Variants in MICAL3 observed in about 807,000 individuals in gnomAD.
MICAL3 encodes the protein microtubule associated monooxygenase, calponin and LIM domain containing 3.
MICAL3 carries 62 observed loss-of-function variants against 207.4 expected under a neutral mutation model. The observed-to-expected ratio is 0.30, with a 90% CI of 0.24 to 0.37. The LOEUF (loss-of-function observed/expected upper bound fraction) is 0.37. MICAL3 is among the 10% of genes least tolerant of loss of function. MICAL3 has a pLI of 1.00. For synonymous variants in MICAL3, 1,077 were observed against 1,069.3 expected, an observed-to-expected ratio of 1.01 and a Z score of -0.14; for missense variants, 2,368 against 2,635.6, an observed-to-expected ratio of 0.90 and a Z score of 2.22.
At chr22:17,809,037 C>A in intron 28 of MICAL3, 100 bp from the exon 29 acceptor site, 1 of 1,026,426 alleles carries the variant, frequency 9.7e-7, no homozygotes, top group Non-Finnish European at 1.4e-6. Flanking sequence ...GGAGTTGCCG[C>A]TCTGGAAAGG....
rs1930884359 is a variant in MICAL3 at position 17,896,790 on chromosome 22, G to A, written c.1140C>T (p.Ala380=). The A allele has an allele frequency of 3.1e-6, 5 of 1,613,890 alleles. No individual in the cohort carries two copies. The highest frequency in any genetic ancestry group is 1.3e-5 in the African/African-American group (1 of 74,946). The change falls in exon 8 of 32, where the codon GCC becomes GCT. Residue 380 remains alanine, a synonymous_variant. Coordinates refer to ENST00000441493, the MANE Select transcript of MICAL3 (RefSeq NM_015241.3). ...GTCCGTTCTGCTCCCGCACCAAGGC[G>A]GCGTTCTCGGAGGCATACATACAAG... ...DFTCMYASEN[A]ALVREQNGHQ... is the part of the protein sequence containing the mutation.
chr22:18,002,376 A>C (rs1395114316), intron 1 of MICAL3, among the ~76,000 whole-genome samples: 1 of 152,182 alleles, frequency 6.6e-6, no homozygotes, highest in Non-Finnish European at 1.5e-5. Context: ...CACGCCTGTA[A>C]TCCCAGCACT....
At position 17,796,689 on chromosome 22, in the gene MICAL3, T is replaced by C. The variant is rs1028459432; in HGVS notation, c.5651-5388A>G. ...TGTCACACCTGGAAGGGAGGCCCGATGTCCCTTCCTGCCTCGTCTTCTGAA... is the reference window on the plus strand; with the variant it reads ...TGTCACACCTGGAAGGGAGGCCCGACGTCCCTTCCTGCCTCGTCTTCTGAA... On this transcript the variant is annotated intron_variant, in intron 29 of 31. Transcript: ENST00000441493. The surrounding 1 kb of genome is among the most constrained non-coding windows in gnomAD (Gnocchi z 4.4). Among the ~76,000 whole-genome samples the C allele has an allele frequency of 2.0e-5, 3 of 152,224 alleles. No individual in the cohort carries two copies. The highest frequency in any genetic ancestry group is 2.0e-4 in the Admixed American group (3 of 15,286).
At chr22:17,929,005 G>C (rs939670777) in intron 1 of MICAL3, among the ~76,000 whole-genome samples, 3 of 151,842 alleles carry the variant, frequency 2.0e-5, no homozygotes, top group Admixed American at 1.3e-4. Flanking sequence ...GTGTTAGCCA[G>C]GATGGTCTCG....
At chr22:17,827,917 A>G in intron 21 of MICAL3, 136 bp from the exon 22 acceptor site, 1 of 748,140 alleles carries the variant, frequency 1.3e-6, no homozygotes, top group Non-Finnish European at 2.1e-6. Context: ...AAAATTAAGA[A>G]CATGTATGCA....
intron 1 of MICAL3, among the ~76,000 whole-genome samples, chr22:17,969,794 G>A (rs993975199): frequency 9.2e-5 from 14 of 152,322 alleles, no homozygotes; most frequent in African/African-American, 3.1e-4. Context: ...CCTCTTTGCC[G>A]ACACCCTGGG....
chr22:17,818,311 G>A lies in MICAL3; in HGVS notation c.4350C>T (p.Ser1450=), dbSNP rs764029602. 2.7e-5 allele frequency: 42 copies of A among 1,558,092 alleles called. No homozygotes were observed. The highest frequency in any genetic ancestry group is 3.7e-5 in the Admixed American group (2 of 54,086). Residue 1450 remains serine (S), a synonymous_variant, in exon 26 of 32, where the codon TCC becomes TCT. Transcript: ENST00000441493. The part of the protein sequence containing the change: ...LGSQSFNTSD[S]AMLTPPSSPP... ...GGCTGGAGGGGGGCGTGAGCATGGC[G>A]GAGTCCGAGGTGTTGAAGCTCTGGC... is the stretch of plus-strand genomic sequence containing the variant.
At chr22:17,890,667 AACT>A (rs1930322921) in intron 12 of MICAL3, among the ~76,000 whole-genome samples, 1 of 152,212 alleles carries the variant, frequency 6.6e-6, no homozygotes, top group African/African-American at 2.4e-5. Flanking sequence ...TATAAATAGC[AACT>A]ATATCTTGTA....
intron 19 of MICAL3, chr22:17,861,897 G>GA: frequency 1.0e-6 from 1 of 985,442 alleles, no homozygotes; most frequent in Non-Finnish European, 1.2e-6. Context: ...GTGGTTCTTT[G>GA]AACTGCAGGT....
In MICAL3 at chr22:17,864,833, C is replaced by T. The variant is rs1042532905; in HGVS notation, c.2605+66G>A. 5 of 1,613,742 alleles carry T rather than the reference C, an allele frequency of 3.1e-6. No homozygotes were observed. In the African/African-American group the frequency reaches 5.3e-5, roughly 17 times the overall value. ...TTGCTTTGGAGGTGCTGGCTCATGC[C>T]CTTGGCCTTGTCACAGAGGCCGAGG... On this transcript the variant is annotated intron_variant, in intron 19 of 31. Transcript: ENST00000441493.
At chr22:17,894,932 T>C (rs1325377301) in intron 10 of MICAL3, among the ~76,000 whole-genome samples, 2 of 152,100 alleles carry the variant, frequency 1.3e-5, no homozygotes, top group African/African-American at 2.4e-5. Context: ...GTTCAGACAA[T>C]GTAAGTCACA....
intron 1 of MICAL3, chr22:18,020,130 A>G (rs1924365983): frequency 6.6e-6 from 1 of 152,090 alleles, no homozygotes; most frequent in Non-Finnish European, 1.5e-5. Flanking sequence ...GATGTTTTTA[A>G]GAGGACAATT....
chr22:17,816,624 C>A, intron 27 of MICAL3, 66 bp downstream of exon 27: 2 of 1,306,892 alleles, frequency 1.5e-6, no homozygotes, highest in South Asian at 1.3e-5. Flanking sequence ...TCCTCTACCC[C>A]ACCAAAGCCC....
intron 12 of MICAL3, among the ~76,000 whole-genome samples, chr22:17,890,038 C>T (rs757209635): frequency 5.3e-5 from 8 of 152,242 alleles, no homozygotes; most frequent in South Asian, 2.1e-4. Context: ...ATTCCAAAAT[C>T]CTCCTCAAAA....
intron 19 of MICAL3, among the ~76,000 whole-genome samples, chr22:17,845,664 T>C (rs978486780): frequency 6.6e-6 from 1 of 152,192 alleles, no homozygotes; most frequent in Non-Finnish European, 1.5e-5. Context: ...TAGTGAGCCC[T>C]GGAGCCAAGA....
intron 1 of MICAL3, among the ~76,000 whole-genome samples, chr22:17,992,355 G>A (rs1203077255): frequency 6.6e-6 from 1 of 152,162 alleles, no homozygotes; most frequent in Non-Finnish European, 1.5e-5. Context: ...AATCTTATGT[G>A]CAAGAAATAA....
intron 1 of MICAL3, among the ~76,000 whole-genome samples, chr22:17,969,685 T>C (rs73390540): frequency 0.026 from 3,932 of 152,290 alleles, 180 homozygotes; most frequent in African/African-American, 0.091. Context: ...TTTGGGACTT[T>C]GGAGGTATTC....
chr22:17,807,947 TAAAG>T (rs2062004678), intron 29 of MICAL3, among the ~76,000 whole-genome samples: 1 of 152,242 alleles, frequency 6.6e-6, no homozygotes, highest in Non-Finnish European at 1.5e-5. Flanking sequence ...CTGCAGGCTA[TAAAG>T]AGACGGAAGT....
At chr22:17,848,639 A>G (rs1358221074) in intron 19 of MICAL3, among the ~76,000 whole-genome samples, 1 of 152,214 alleles carries the variant, frequency 6.6e-6, no homozygotes, top group African/African-American at 2.4e-5. Context: ...GGGATGGGTC[A>G]CTACCTGCCT....
Sources: gnomAD v4.1 joint callset for allele counts (sites outside exome capture counted in the v4.1 genomes callset) on GRCh38, gnomAD v4.1.1 for gene constraint, Gnocchi (gnomAD v3.1) non-coding constraint, MANE v1.5 for transcripts, NCBI Gene and HGNC (gene_info 2026-07-23, HGNC 2026-07-21) for gene names.